The following ANKMY2 variants were observed in gnomAD, a reference collection of about 807,000 sequenced individuals.
ANKMY2 encodes ankyrin repeat and MYND domain containing 2.
A neutral mutation model predicts 50.4 loss-of-function variants in ANKMY2; 36 were observed. The ratio of observed to expected loss-of-function variants is 0.71; its 90% CI spans 0.55 to 0.94. The LOEUF is 0.94. Ranked by LOEUF, ANKMY2 falls within the 40% of genes least tolerant of loss-of-function variation. The pLI is 0.00. For synonymous variants in ANKMY2, 187 were observed against 178.8 expected (o/e 1.05, Z -0.36); for missense variants, 565 against 524.0 (o/e 1.08, Z -0.76).
chr7:16,636,381 A>G lies in ANKMY2; in HGVS notation c.132+10T>C, dbSNP rs778094930. 1 of 1,589,362 alleles carries G rather than the reference A, an allele frequency of 6.3e-7. No homozygotes were observed. Among genetic ancestry groups the G allele is most frequent in the Non-Finnish European group, 8.6e-7 (1 of 1,168,670 alleles). ...AAGTAAAATCCTTTATTAAACTTCT[A>G]AAATCTTACCTCGTCCAAACAGTTG... On this transcript the variant is annotated intron_variant, in intron 2 of 9. Transcript: ENST00000306999.
chr7:16,634,742 AC>A (rs1196288692), intron 2 of ANKMY2, among the ~76,000 whole-genome samples: 2 of 152,196 alleles, frequency 1.3e-5, no homozygotes, highest in Non-Finnish European at 2.9e-5. Flanking sequence ...TGCATAGAGG[AC>A]AAGGAAGTGC....
intron 5 of ANKMY2, among the ~76,000 whole-genome samples, chr7:16,614,114 A>G (rs1200177727): frequency 6.6e-6 from 1 of 152,162 alleles, no homozygotes; most frequent in East Asian, 1.9e-4. Flanking sequence ...ACATTGAGAA[A>G]TACTGTACCC....
At position 16,615,887 on chromosome 7, in the gene ANKMY2, T is replaced by C; in HGVS notation, c.388A>G (p.Thr130Ala). ...AAFVGQHDCV[T>A]IINNFFPRER... is the part of the protein sequence containing the mutation. ...CGAGGAAAGAAATTGTTGATTATGG[T>C]CACACAATCATGTTGACCTTTTCAT... is the stretch of plus-strand genomic sequence containing the variant. The change falls in exon 5 of 10, where the codon ACC (threonine) becomes GCC (alanine). Residue 130 changes from threonine (T) to alanine (A), a missense_variant. Coordinates refer to ENST00000306999, the MANE Select transcript of ANKMY2 (RefSeq NM_020319.3). 1 of 1,613,160 alleles carries C rather than the reference T, an allele frequency of 6.2e-7. No homozygotes were observed. Among genetic ancestry groups the C allele is most frequent in the Non-Finnish European group, 8.5e-7 (1 of 1,179,518 alleles).
At chr7:16,644,962 G>A in intron 1 of ANKMY2, 1 of 335,030 alleles carries the variant, frequency 3.0e-6, no homozygotes, top group East Asian at 9.1e-5. Flanking sequence ...AGCCAGGGAG[G>A]CCCTGGATAC....
At chr7:16,604,984 A>G (rs1167620096) in intron 7 of ANKMY2, 135 bp from the exon 8 acceptor site, 3 of 851,814 alleles carry the variant, frequency 3.5e-6, no homozygotes, top group Non-Finnish European at 4.9e-6. Flanking sequence ...TATAGATTAC[A>G]CAGGCTTTAA....
chr7:16,605,584 G>A (rs997489242), intron 7 of ANKMY2, among the ~76,000 whole-genome samples: 15 of 150,964 alleles, frequency 9.9e-5, no homozygotes, highest in Non-Finnish European at 1.5e-4. Context: ...TGCAACCTCC[G>A]CCTCCCAGGT....
intron 7 of ANKMY2, among the ~76,000 whole-genome samples, chr7:16,606,957 C>A (rs1247304910): frequency 2.0e-5 from 3 of 152,162 alleles, no homozygotes; most frequent in Admixed American, 2.0e-4. Context: ...AGGGCCCAGG[C>A]ATTAGCACTG....
At chr7:16,613,920 CAAA>C (rs143274762) in intron 5 of ANKMY2, among the ~76,000 whole-genome samples, 71 of 111,866 alleles carry the variant, frequency 6.3e-4, no homozygotes, top group African/African-American at 1.9e-3. Context: ...GACCCTATCT[CAAA>C]AAAAAAAAAA....
chr7:16,613,441 C>T (rs1363473321), intron 5 of ANKMY2, among the ~76,000 whole-genome samples: 1 of 152,024 alleles, frequency 6.6e-6, no homozygotes, highest in Non-Finnish European at 1.5e-5. Context: ...GCTTTTAGAT[C>T]CCAAGGGTGG....
intron 3 of ANKMY2, among the ~76,000 whole-genome samples, chr7:16,626,710 A>AG (rs1287958571): frequency 2.6e-5 from 4 of 152,234 alleles, no homozygotes; most frequent in Non-Finnish European, 5.9e-5. Context: ...TCAAGAGAAG[A>AG]AAGAAGTTTT....
chr7:16,599,936 A>G lies in ANKMY2; in HGVS notation c.*825T>C, dbSNP rs758995993. Reference sequence around the variant, plus strand: ...AAATGAGTTACAAATCAGTTTCTGGAAAGGAAGTGCTCCATGAAAAGCTTA... The same window carrying G: ...AAATGAGTTACAAATCAGTTTCTGGGAAGGAAGTGCTCCATGAAAAGCTTA... On this transcript the variant is annotated 3_prime_UTR_variant, in exon 10 of 10. Coordinates refer to ENST00000306999, the MANE Select transcript of ANKMY2 (RefSeq NM_020319.3). 7 of 152,242 alleles carry G rather than the reference A, an allele frequency of 4.6e-5. No individual in the cohort carries two copies. Among genetic ancestry groups the G allele is most frequent in the Admixed American group, 4.6e-4 (7 of 15,286 alleles). The allele number at this position is 152,242 out of a possible 1,614,324, so 9.4% of individuals were successfully genotyped here.
chr7:16,600,748 C>G lies in ANKMY2; in HGVS notation c.*13G>C, dbSNP rs766296798. 1 of 1,593,722 alleles carries G rather than the reference C, an allele frequency of 6.3e-7. No individual in the cohort carries two copies. The stretch of plus-strand genomic sequence containing the variant: ...AGGGTGAGGATCATCCACACTGGCA[C>G]TTGCTCTGGCTTTTACTCCTCAGAC... On this transcript the variant is annotated 3_prime_UTR_variant, in exon 10 of 10. Coordinates refer to ENST00000306999, the MANE Select transcript of ANKMY2 (RefSeq NM_020319.3).
In ANKMY2 at chr7:16,627,099, T is replaced by C. The variant is rs770531669; in HGVS notation, c.212A>G (p.Asp71Gly). The C allele has an allele frequency of 2.0e-5, 33 of 1,612,866 alleles. No homozygotes were observed. The South Asian group carries it at 3.4e-4, about 17-fold the overall frequency. The part of the protein sequence containing the change: ...MCKLLLRHGA[D>G]VNCHQHEHGY... ...ATGTTCATGCTGATGACAATTTACATCGGCTCCATGTCGCAGTAGTAATTT... is the reference window on the plus strand; with the variant it reads ...ATGTTCATGCTGATGACAATTTACACCGGCTCCATGTCGCAGTAGTAATTT... Residue 71 changes from aspartate (D) to glycine (G), a missense_variant, in exon 3 of 10, where the codon GAT becomes GGT. Transcript: ENST00000306999.
chr7:16,639,408 C>G (rs1334567481), intron 1 of ANKMY2, among the ~76,000 whole-genome samples: 2 of 152,124 alleles, frequency 1.3e-5, no homozygotes, highest in Non-Finnish European at 2.9e-5. Flanking sequence ...AACAACAGAC[C>G]TAAACTAATT....
At chr7:16,628,464 G>C (rs933043209) in intron 2 of ANKMY2, among the ~76,000 whole-genome samples, 3 of 140,580 alleles carry the variant, frequency 2.1e-5, no homozygotes, top group Middle Eastern at 3.2e-3. Context: ...TAACTTTGAA[G>C]ACTCCCTTAG....
intron 5 of ANKMY2, among the ~76,000 whole-genome samples, chr7:16,614,728 G>A (rs1781313280): frequency 6.6e-6 from 1 of 152,152 alleles, no homozygotes; most frequent in South Asian, 2.1e-4. Context: ...AACTTCTGGG[G>A]AAATCTATTT....
intron 7 of ANKMY2, among the ~76,000 whole-genome samples, chr7:16,608,862 G>T (rs996804246): frequency 1.3e-5 from 2 of 152,044 alleles, no homozygotes; most frequent in African/African-American, 4.8e-5. Context: ...TTAGCTGGGC[G>T]TGGTGGCGCG....
rs570924999 is a variant in ANKMY2 at position 16,644,656 on chromosome 7, G to C, written c.67+851C>G. 2.1e-4 allele frequency: 98 copies of C among 470,990 alleles called. 1 individual carries two copies. Among genetic ancestry groups the C allele is most frequent in the African/African-American group, 1.5e-3 (76 of 50,222 alleles). The allele number at this position is 470,990 out of a possible 1,614,324, so 29.2% of individuals were successfully genotyped here. ...ACCATCCCTGCACCGTGAGGGTGCAGAAGAAGCATGCAGTCACGCTGATGT... is the reference window on the plus strand; with the variant it reads ...ACCATCCCTGCACCGTGAGGGTGCACAAGAAGCATGCAGTCACGCTGATGT... On this transcript the variant is annotated intron_variant, in intron 1 of 9. Coordinates refer to ENST00000306999, the MANE Select transcript of ANKMY2 (RefSeq NM_020319.3).
Position 16,600,529 on chromosome 7 carries a change from G to C in ANKMY2, c.*232C>G. 2.8e-6 allele frequency: 1 copy of C among 360,550 alleles called. No individual in the cohort carries two copies. 22.3% of individuals were successfully genotyped at this position (360,550 alleles called of 1,614,324 possible). On this transcript the variant is annotated 3_prime_UTR_variant, in exon 10 of 10. Transcript: ENST00000306999. ...GAAAGGTAATAGGAATGTTTTTCCTGTATTTTGAAACAAAAAATTTTCCAT... is the reference window on the plus strand; with the variant it reads ...GAAAGGTAATAGGAATGTTTTTCCTCTATTTTGAAACAAAAAATTTTCCAT...
Sources: allele counts gnomAD v4.1 joint callset (sites outside exome capture counted in the v4.1 genomes callset), GRCh38; gene constraint gnomAD v4.1.1; transcripts MANE v1.5; gene names NCBI Gene and HGNC (gene_info 2026-07-23, HGNC 2026-07-21).